The following SLC14A1 variants were observed in gnomAD, a reference collection of about 807,000 sequenced individuals.
SLC14A1 encodes the protein urea transporter 1.
SLC14A1 carries 36 observed loss-of-function variants against 39.6 expected under a neutral mutation model. That is an observed-to-expected ratio of 0.91 (90% CI 0.70 to 1.20). The LOEUF is 1.20. SLC14A1 is among the 50% of genes most tolerant of loss of function. The pLI, the probability that SLC14A1 is intolerant of heterozygous loss-of-function variation, is 0.00. For synonymous variants in SLC14A1, 164 were observed against 173.6 expected (o/e 0.94, Z 0.43); for missense variants, 469 against 478.7 (o/e 0.98, Z 0.19).
intron 6 of SLC14A1, 81 bp downstream of exon 6, chr18:45,736,729 A>G: frequency 8.5e-7 from 1 of 1,183,084 alleles, no homozygotes; most frequent in Non-Finnish European, 1.3e-6. Flanking sequence ...CACGGGTGTC[A>G]GAGTCTCCTA....
At position 45,750,939 on chromosome 18, in the gene SLC14A1, G is replaced by C. The variant is rs539037808; in HGVS notation, c.*988G>C. 1 of 984,448 alleles carries C rather than the reference G, an allele frequency of 1.0e-6. No homozygotes were observed. The highest frequency in any genetic ancestry group is 1.2e-6 in the Non-Finnish European group (1 of 829,064). 61.0% of individuals were successfully genotyped at this position (984,448 alleles called of 1,614,324 possible). A position where few individuals can be genotyped will look rare whatever the true frequency, so the allele number is the denominator to read the frequency against. ...TGAAGGCAAAGGTCAGATTGCTTACGGGTGTTATTTTTATAAGTTGTTGAA... is the reference window on the plus strand; with the variant it reads ...TGAAGGCAAAGGTCAGATTGCTTACCGGTGTTATTTTTATAAGTTGTTGAA... On this transcript the variant is annotated 3_prime_UTR_variant, in exon 10 of 10. Transcript: ENST00000321925.
Position 45,751,463 on chromosome 18 carries a change from T to C in SLC14A1, c.*1512T>C. On this transcript the variant is annotated 3_prime_UTR_variant, in exon 10 of 10. Transcript: ENST00000321925. Reference sequence around the variant, plus strand: ...AGTTATCAGTTCCGTAAAGTCTCTGTAACCAAACATACTGAAGACAGCAAC... The same window carrying C: ...AGTTATCAGTTCCGTAAAGTCTCTGCAACCAAACATACTGAAGACAGCAAC... 3.0e-6 allele frequency: 3 copies of C among 984,804 alleles called. No individual in the cohort carries two copies. The highest frequency in any genetic ancestry group is 3.6e-6 in the Non-Finnish European group (3 of 829,832). The allele number at this position is 984,804 out of a possible 1,614,324, so 61.0% of individuals were successfully genotyped here. A position where few individuals can be genotyped will look rare whatever the true frequency, so the allele number is the denominator to read the frequency against.
At chr18:45,747,532 CA>C (rs10717574) in intron 8 of SLC14A1, among the ~76,000 whole-genome samples, 88,775 of 145,676 alleles carry the variant, frequency 0.61, 27,240 homozygotes, top group East Asian at 0.92. Context: ...ACTAACAATA[CA>C]AAAAAAAAAA....
chr18:45,727,898 T>C (rs547152268), intron 2 of SLC14A1, among the ~76,000 whole-genome samples: 26 of 152,290 alleles, frequency 1.7e-4, no homozygotes, highest in Admixed American at 1.1e-3. Flanking sequence ...GTATTTCTCC[T>C]AAGTGGTTCT....
intron 4 of SLC14A1, 154 bp downstream of exon 4, chr18:45,731,358 G>A: frequency 1.3e-6 from 1 of 755,194 alleles, no homozygotes; most frequent in Non-Finnish European, 2.3e-6. Context: ...AGAGGTCAGG[G>A]AATCAGTTAC....
chr18:45,738,886 C>CCAAG (rs2047273258), intron 6 of SLC14A1, among the ~76,000 whole-genome samples: 1 of 152,030 alleles, frequency 6.6e-6, no homozygotes, highest in Non-Finnish European at 1.5e-5. Flanking sequence ...GTGACCAAGG[C>CCAAG]CAAGTGTCAG....
chr18:45,744,125 G>A (rs573500588), intron 8 of SLC14A1, among the ~76,000 whole-genome samples: 101 of 151,902 alleles, frequency 6.6e-4, no homozygotes, highest in South Asian at 1.0e-3. Context: ...CGATTCCTAT[G>A]CCTCAGACTC....
chr18:45,741,723 A>G (rs751890598), intron 8 of SLC14A1, among the ~76,000 whole-genome samples: 1 of 152,246 alleles, frequency 6.6e-6, no homozygotes, highest in Non-Finnish European at 1.5e-5. Context: ...GATTACAGAC[A>G]GGTGCTGTAG....
chr18:45,724,736 C>G (rs548505070), intron 1 of SLC14A1, among the ~76,000 whole-genome samples: 24 of 152,336 alleles, frequency 1.6e-4, no homozygotes, highest in Middle Eastern at 3.4e-3. Flanking sequence ...ATGGACTCCT[C>G]TGTGTGTGCT....
Position 45,731,025 on chromosome 18 carries a change from G to A in SLC14A1, c.162G>A (p.Val54=). ...CCTCATCCCTTCCAGACAAACCCGT[G>A]GTGCTCCAGTTCATTGACTGGATTC... ...ELANQLKDKP[V]VLQFIDWILR... is the part of the protein sequence containing the mutation. Residue 54 remains valine (V), a synonymous_variant, in exon 4 of 10, where the codon GTG becomes GTA. Transcript: ENST00000321925. 1 of 1,614,132 alleles carries A rather than the reference G, an allele frequency of 6.2e-7. No homozygotes were observed. The highest frequency in any genetic ancestry group is 8.5e-7 in the Non-Finnish European group (1 of 1,179,988).
At position 45,752,477 on chromosome 18, in the gene SLC14A1, C is replaced by T. The variant is rs1355184234; in HGVS notation, c.*2526C>T. On this transcript the variant is annotated 3_prime_UTR_variant, in exon 10 of 10. Coordinates refer to ENST00000321925, the MANE Select transcript of SLC14A1 (RefSeq NM_015865.7). ...ATACTTTTTCCTAATGTCTGTATAA[C>T]AAATTTCTATGCAAGTACATGAATA... 6.5e-6 allele frequency: 1 copy of T among 154,834 alleles called. No homozygotes were observed. The highest frequency in any genetic ancestry group is 1.4e-5 in the Non-Finnish European group (1 of 70,458). The allele number at this position is 154,834 out of a possible 1,614,324, so 9.6% of individuals were successfully genotyped here.
rs993477197 is a variant in SLC14A1, at chr18:45,752,019, C to T, written c.*2068C>T. 7.3e-5 allele frequency: 72 copies of T among 985,226 alleles called. No individual in the cohort carries two copies. Among genetic ancestry groups the T allele is most frequent in the Non-Finnish European group, 8.6e-5 (71 of 829,918 alleles). 61.0% of individuals were successfully genotyped at this position (985,226 alleles called of 1,614,324 possible). On this transcript the variant is annotated 3_prime_UTR_variant, in exon 10 of 10. Coordinates refer to ENST00000321925, the MANE Select transcript of SLC14A1 (RefSeq NM_015865.7). Reference sequence around the variant, plus strand: ...TATTTTAGGGAGAAGCTCACTTCTTCCTTTTCTCAGGAAACCAAGCAAGCA... The same window carrying T: ...TATTTTAGGGAGAAGCTCACTTCTTTCTTTTCTCAGGAAACCAAGCAAGCA...
chr18:45,746,381 C>T (rs544605549), intron 8 of SLC14A1, among the ~76,000 whole-genome samples: 1 of 152,324 alleles, frequency 6.6e-6, no homozygotes, highest in Admixed American at 6.5e-5. Context: ...ATTGACATAC[C>T]TACCATTAAA....
intron 2 of SLC14A1, chr18:45,726,892 C>G: frequency 5.3e-6 from 1 of 189,022 alleles, no homozygotes; most frequent in South Asian, 1.0e-4. Context: ...CCAAACGTGT[C>G]AGAACATGAA....
In SLC14A1 at chr18:45,748,443, T is replaced by A; in HGVS notation, c.996+18T>A. On this transcript the variant is annotated intron_variant, in intron 9 of 9. Coordinates refer to ENST00000321925, the MANE Select transcript of SLC14A1 (RefSeq NM_015865.7). Reference sequence around the variant, plus strand: ...TGGCTGAGGTGAGTTTGCTTTAGTCTCACTTTTCATTAGCGTAATTGACCA... The same window carrying A: ...TGGCTGAGGTGAGTTTGCTTTAGTCACACTTTTCATTAGCGTAATTGACCA... 6.2e-7 allele frequency: 1 copy of A among 1,613,492 alleles called. No homozygotes were observed. The highest frequency in any genetic ancestry group is 1.3e-5 in the African/African-American group (1 of 75,030).
At position 45,739,696 on chromosome 18, in the gene SLC14A1, C is replaced by A. The variant is rs369928411; in HGVS notation, c.946+34C>A. 1.7e-5 allele frequency: 27 copies of A among 1,613,724 alleles called. 1 individual carries two copies. Among genetic ancestry groups the A allele is most frequent in the Non-Finnish European group, 2.0e-5 (24 of 1,179,922 alleles). The stretch of plus-strand genomic sequence containing the variant: ...CCCACGCCCCTGGGGGAGGGCTGCT[C>A]ATGACTACAGGATCTCAATCAAGGA... On this transcript the variant is annotated intron_variant, in intron 8 of 9. Transcript: ENST00000321925.
At chr18:45,735,289 C>T (rs554751850) in intron 5 of SLC14A1, among the ~76,000 whole-genome samples, 59 of 152,370 alleles carry the variant, frequency 3.9e-4, no homozygotes, top group African/African-American at 1.3e-3. Flanking sequence ...CCACAGGCAT[C>T]TGCTCCCCGG....
chr18:45,749,670 C>G, intron 9 of SLC14A1, 108 bp from the exon 10 acceptor site: 7 of 1,260,402 alleles, frequency 5.6e-6, no homozygotes, highest in South Asian at 4.8e-5. Context: ...AGCAATGCCC[C>G]CAGTGGTTCA....
rs780390287 is a variant in SLC14A1 at position 45,730,314 on chromosome 18, G to A, written c.-7G>A. The A allele has an allele frequency of 6.2e-7, 1 of 1,612,764 alleles. No homozygotes were observed. Among genetic ancestry groups the A allele is most frequent in the South Asian group, 1.1e-5 (1 of 91,030 alleles). On this transcript the variant is annotated 5_prime_UTR_variant, in exon 3 of 10. Coordinates refer to ENST00000321925, the MANE Select transcript of SLC14A1 (RefSeq NM_015865.7). ...CTTCCCTCAAGGAGCCAGAGGAAGA[G>A]ATAGCCATGGAGGACAGCCCCACTA...
Sources: gnomAD v4.1 joint callset for allele counts (sites outside exome capture counted in the v4.1 genomes callset) on GRCh38, gnomAD v4.1.1 for gene constraint, MANE v1.5 for transcripts, NCBI Gene and HGNC (gene_info 2026-07-23, HGNC 2026-07-21) for gene names.